The following ALDH1L1 variants were observed in gnomAD, a reference collection of about 807,000 sequenced individuals.
The protein encoded by ALDH1L1 is aldehyde dehydrogenase 1 family member L1.
In ALDH1L1, 68 loss-of-function variants were observed where a neutral mutation model predicts 101.1. The observed-to-expected ratio is 0.67, with a 90% confidence interval of 0.55 to 0.82. ALDH1L1 has a LOEUF of 0.82. Among genes scored for constraint, ALDH1L1 ranks in the 40% least tolerant of loss-of-function variants. The pLI, the probability that ALDH1L1 is intolerant of heterozygous loss-of-function variation, is 0.00. For synonymous variants in ALDH1L1, 486 were observed against 470.8 expected, an observed-to-expected ratio of 1.03 and a Z score of -0.42; for missense variants, 1,087 against 1,172.7, an observed-to-expected ratio of 0.93 and a Z score of 1.07.
Position 126,110,068 on chromosome 3 carries a change from GT to G in ALDH1L1, c.2222del (p.Asp741AlafsTer16), listed in dbSNP as rs780958924. 6.2e-7 allele frequency: 1 copy of G among 1,614,216 alleles called. No individual in the cohort carries two copies. Among genetic ancestry groups the G allele is most frequent in the Non-Finnish European group, 8.5e-7 (1 of 1,180,038 alleles). On this transcript the variant is annotated frameshift_variant, in exon 20 of 23. Transcript: ENST00000393434. LOFTEE classifies it high-confidence loss of function. ...TCTGCGGCCCGTGGTCGGTGTCCCTGTCCAGCGGGTTGCCCACCTTCATCTT... is the reference window on the plus strand; with the variant it reads ...TCTGCGGCCCGTGGTCGGTGTCCCTGCCAGCGGGTTGCCCACCTTCATCTT... ...VRKMKVGNPL[D>X]RDTDHGPQNH...
intron 1 of ALDH1L1, 75 bp downstream of exon 1, chr3:126,180,401 G>T (rs912627265): frequency 7.1e-5 from 69 of 973,264 alleles, no homozygotes; most frequent in Non-Finnish European, 7.0e-5. Context: ...GGAGCCCCCG[G>T]AGCCCCCGGA....
chr3:126,185,644 G>T (rs2081511867), upstream of ALDH1L1, among the ~76,000 whole-genome samples: 1 of 151,850 alleles, frequency 6.6e-6, no homozygotes, highest in South Asian at 2.1e-4. Flanking sequence ...TGCAGCTGCA[G>T]GAGAGAAGCT....
intron 17 of ALDH1L1, among the ~76,000 whole-genome samples, chr3:126,117,107 T>G (rs2079986017): frequency 6.6e-6 from 1 of 151,882 alleles, no homozygotes; most frequent in Non-Finnish European, 1.5e-5. Flanking sequence ...TATCCAGGTA[T>G]GGTGGCACGT....
At chr3:126,146,814 C>T (rs759016372) in intron 9 of ALDH1L1, 21 bp downstream of exon 9, 1 of 1,611,600 alleles carries the variant, frequency 6.2e-7, no homozygotes, top group Non-Finnish European at 8.5e-7. Context: ...TGGGACAGGA[C>T]CCCTCCACTC....
chr3:126,181,040 C>T (rs574551789), upstream of ALDH1L1: 3 of 1,574,110 alleles, frequency 1.9e-6, no homozygotes, highest in East Asian at 4.7e-5. Flanking sequence ...AGAGGCGGCC[C>T]CTTAGCAGCT....
At chr3:126,170,859 G>C (rs2081259552) in intron 1 of ALDH1L1, among the ~76,000 whole-genome samples, 1 of 152,114 alleles carries the variant, frequency 6.6e-6, no homozygotes, top group Non-Finnish European at 1.5e-5. Context: ...AAGACAGCTG[G>C]GACACAAAGG....
chr3:126,161,108 G>C, intron 1 of ALDH1L1, 106 bp from the exon 2 acceptor site: 1 of 1,337,678 alleles, frequency 7.5e-7, no homozygotes, highest in African/African-American at 1.5e-5. Context: ...CTCTACCCCA[G>C]TCCCCTCTGT....
At chr3:126,194,737 A>G (rs1417301662) in intron 1 of ALDH1L1, among the ~76,000 whole-genome samples, 2 of 152,180 alleles carry the variant, frequency 1.3e-5, no homozygotes, top group African/African-American at 4.8e-5. Flanking sequence ...ACAATCCTTT[A>G]GCCCTCTAAA....
upstream of ALDH1L1, among the ~76,000 whole-genome samples, chr3:126,184,598 G>A (rs1049870978): frequency 3.3e-5 from 5 of 152,198 alleles, no homozygotes; most frequent in Admixed American, 3.3e-4. Flanking sequence ...TCCTCCCAGG[G>A]AAAGCAGTGT....
intron 16 of ALDH1L1, among the ~76,000 whole-genome samples, chr3:126,119,485 C>T (rs1276657739): frequency 6.6e-5 from 10 of 152,226 alleles, no homozygotes; most frequent in Admixed American, 5.9e-4. Context: ...CCATGACTCG[C>T]TCAGTCCAGA....
Position 126,135,626 on chromosome 3 carries a change from C to A in ALDH1L1, c.1381G>T (p.Val461Phe). ...CQVSLAQVTD[V>F]DKAVAAAKDA... The stretch of plus-strand genomic sequence containing the variant: ...TTGGCTGCGGCCACTGCCTTGTCGA[C>A]GTCGGTGACTTGGGCCAGGGATACC... Residue 461 changes from valine to phenylalanine, a missense_variant, in exon 12 of 23, where the codon GTC becomes TTC. Val to Phe is a conservative substitution (Grantham distance 50). Around this residue, in one of 2 missense-constraint regions of ALDH1L1, gnomAD observed 645 missense variants for 637.0 expected, o/e 1.01. Transcript: ENST00000393434. 6.3e-7 allele frequency: 1 copy of A among 1,582,840 alleles called. No homozygotes were observed. Among genetic ancestry groups the A allele is most frequent in the Non-Finnish European group, 8.6e-7 (1 of 1,164,656 alleles).
chr3:126,153,558 C>A lies in ALDH1L1; in HGVS notation c.744G>T (p.Thr248=), dbSNP rs575496620. ...CEQKLTFFNS[T]LNTSGLVPEG... ...CGGGCACCAGGCCTGAAGTGTTCAG[C>A]GTTGAGTTGAAAAATGTCAGTTTCT... Residue 248 remains threonine, a synonymous_variant, in exon 7 of 23, where the codon ACG becomes ACT. Coordinates refer to ENST00000393434, the MANE Select transcript of ALDH1L1 (RefSeq NM_012190.4). 6.2e-7 allele frequency: 1 copy of A among 1,612,706 alleles called. No individual in the cohort carries two copies. Among genetic ancestry groups the A allele is most frequent in the Non-Finnish European group, 8.5e-7 (1 of 1,179,386 alleles).
intron 1 of ALDH1L1, among the ~76,000 whole-genome samples, chr3:126,188,408 C>A (rs1408920256): frequency 1.3e-5 from 2 of 152,170 alleles, no homozygotes; most frequent in Non-Finnish European, 2.9e-5. Flanking sequence ...GGTCCTGGAA[C>A]CAATGCCTTG....
At chr3:126,132,714 C>A (rs1212041991) in intron 12 of ALDH1L1, among the ~76,000 whole-genome samples, 6 of 152,240 alleles carry the variant, frequency 3.9e-5, no homozygotes, top group Non-Finnish European at 5.9e-5. Flanking sequence ...CCTGTCACAT[C>A]CTCTGATAGC....
intron 9 of ALDH1L1, among the ~76,000 whole-genome samples, chr3:126,139,301 C>T (rs1344980142): frequency 8.5e-5 from 13 of 152,210 alleles, no homozygotes; most frequent in Admixed American, 7.8e-4. Flanking sequence ...ACTGCAGGAA[C>T]AATGGAACAG....
chr3:126,119,707 A>T (rs2080041638), intron 16 of ALDH1L1, among the ~76,000 whole-genome samples: 1 of 152,182 alleles, frequency 6.6e-6, no homozygotes, highest in African/African-American at 2.4e-5. Flanking sequence ...TGTTTTGGGG[A>T]GAAAACGTTT....
chr3:126,152,800 G>C (rs1330780784), intron 7 of ALDH1L1: 1 of 159,540 alleles, frequency 6.3e-6, no homozygotes, highest in Non-Finnish European at 1.4e-5. Flanking sequence ...GGGCTAGCTT[G>C]GATGATCCTG....
chr3:126,131,085 C>T (rs3821453), intron 13 of ALDH1L1, among the ~76,000 whole-genome samples: 96,605 of 152,096 alleles, frequency 0.64, 30,779 homozygotes, highest in Middle Eastern at 0.7. Flanking sequence ...CCACACGGAA[C>T]TGAACTCTGT....
At position 126,158,509 on chromosome 3, in the gene ALDH1L1, G is replaced by A; in HGVS notation, c.258C>T (p.Cys86=). The part of the protein sequence containing the change: ...LGAELNVLPF[C]SQFIPMEIIS... ...TTATCTCCATGGGGATGAATTGGCTGCAGAAGGGCAGGACGTTGAGCTCGG... is the reference window on the plus strand; with the variant it reads ...TTATCTCCATGGGGATGAATTGGCTACAGAAGGGCAGGACGTTGAGCTCGG... Residue 86 remains cysteine, a synonymous_variant, in exon 3 of 23, where the codon TGC becomes TGT. Coordinates refer to ENST00000393434, the MANE Select transcript of ALDH1L1 (RefSeq NM_012190.4). 6.2e-7 allele frequency: 1 copy of A among 1,614,212 alleles called. No homozygotes were observed. The highest frequency in any genetic ancestry group is 8.5e-7 in the Non-Finnish European group (1 of 1,180,024).
Sources: allele counts gnomAD v4.1 joint callset (sites outside exome capture counted in the v4.1 genomes callset), GRCh38; gene constraint gnomAD v4.1.1; regional missense constraint gnomAD v4.1.1; transcripts MANE v1.5; gene names NCBI Gene and HGNC (gene_info 2026-07-23, HGNC 2026-07-21).